Variants in WDR7 observed in about 807,000 individuals in gnomAD.
The protein encoded by WDR7 is WD repeat domain 7, also known as WD repeat-containing protein 7.
In WDR7, 46 loss-of-function variants were observed where a neutral mutation model predicts 169.4. The ratio of observed to expected loss-of-function variants is 0.27; its 90% CI spans 0.21 to 0.35. WDR7 has a LOEUF of 0.35. Ranked by LOEUF, WDR7 falls within the 10% of genes least tolerant of loss-of-function variation. WDR7 has a pLI of 1.00. For missense variants in WDR7, 1,534 were observed against 1,859.3 expected (o/e 0.83, Z 3.22); for synonymous variants, 612 against 666.8 (o/e 0.92, Z 1.27).
chr18:57,023,231 C>T (rs1395358913), intron 27 of WDR7, among the ~76,000 whole-genome samples: 2 of 152,176 alleles, frequency 1.3e-5, no homozygotes, highest in Non-Finnish European at 1.5e-5. Context: ...GCTGCTCTCC[C>T]CAAATGGGCT....
At chr18:56,705,667 G>T (rs547194900) in intron 12 of WDR7, among the ~76,000 whole-genome samples, 1 of 152,050 alleles carries the variant, frequency 6.6e-6, no homozygotes, top group Admixed American at 6.6e-5. Flanking sequence ...GGATTTAGGC[G>T]GATCCTGGCA....
chr18:56,824,335 A>G (rs2045158823), intron 20 of WDR7, among the ~76,000 whole-genome samples: 1 of 152,208 alleles, frequency 6.6e-6, no homozygotes, highest in Non-Finnish European at 1.5e-5. Context: ...AATAATATGT[A>G]GCAATAATGA....
chr18:56,775,294 A>G (rs1177403395), intron 16 of WDR7, among the ~76,000 whole-genome samples: 2 of 152,216 alleles, frequency 1.3e-5, no homozygotes, highest in Non-Finnish European at 2.9e-5. Flanking sequence ...TGAAGCCACC[A>G]GAGGAACATT....
chr18:56,685,910 A>G, intron 5 of WDR7, 46 bp from the exon 6 acceptor site: 1 of 1,456,322 alleles, frequency 6.9e-7, no homozygotes, highest in Non-Finnish European at 9.5e-7. Context: ...GAAAAAGCGT[A>G]TTATGTTCGT....
chr18:56,975,911 A>G (rs143216922), intron 26 of WDR7, among the ~76,000 whole-genome samples: 1 of 152,168 alleles, frequency 6.6e-6, no homozygotes, highest in African/African-American at 2.4e-5. Context: ...AAATCTCCCA[A>G]TTTTTAATTG....
intron 19 of WDR7, among the ~76,000 whole-genome samples, chr18:56,799,034 TAAAC>T (rs755678302): frequency 3.9e-5 from 6 of 152,192 alleles, no homozygotes; most frequent in Non-Finnish European, 8.8e-5. Flanking sequence ...AATATAATGA[TAAAC>T]AAAGTAGTCA....
chr18:56,686,990 A>G lies in WDR7; in HGVS notation c.717+16A>G. 9 of 1,597,328 alleles carry G rather than the reference A, an allele frequency of 5.6e-6. No homozygotes were observed. Among genetic ancestry groups the G allele is most frequent in the Non-Finnish European group, 7.7e-6 (9 of 1,172,052 alleles). On this transcript the variant is annotated intron_variant, in intron 7 of 27. Coordinates refer to ENST00000254442, the MANE Select transcript of WDR7 (RefSeq NM_015285.3). ...ATATTGGAGGGTAAGATAATTATAT[A>G]AATAAGAAGCTGTATTTTTATCCTT...
At chr18:56,905,458 A>G (rs2046462820) in intron 21 of WDR7, among the ~76,000 whole-genome samples, 1 of 152,108 alleles carries the variant, frequency 6.6e-6, no homozygotes, top group Non-Finnish European at 1.5e-5. Flanking sequence ...GTGATTATAG[A>G]CAATTTTCAG....
intron 16 of WDR7, among the ~76,000 whole-genome samples, chr18:56,774,873 A>C (rs2044216609): frequency 6.6e-6 from 1 of 152,120 alleles, no homozygotes; most frequent in African/African-American, 2.4e-5. Context: ...CATAAAATTT[A>C]TTAAAGGATG....
At chr18:56,674,259 G>A (rs576369385) in intron 2 of WDR7, among the ~76,000 whole-genome samples, 1 of 152,304 alleles carries the variant, frequency 6.6e-6, no homozygotes, top group African/African-American at 2.4e-5. Flanking sequence ...CATCAGCAGT[G>A]CATGAGGGTT....
intron 27 of WDR7, among the ~76,000 whole-genome samples, chr18:57,021,235 G>A (rs2048284555): frequency 6.6e-6 from 1 of 152,210 alleles, no homozygotes; most frequent in African/African-American, 2.4e-5. Flanking sequence ...GTCAGGAGGT[G>A]TGGGTGGTTA....
In WDR7 at chr18:56,703,272, T is replaced by C. The variant is rs574013780; in HGVS notation, c.1578+6810T>C. The stretch of plus-strand genomic sequence containing the variant: ...GTGTGTATACCAGTGTGGCTAATGT[T>C]CACAGCCAGTAAGGGCAATTGACAA... On this transcript the variant is annotated intron_variant, in intron 12 of 27. Coordinates refer to ENST00000254442, the MANE Select transcript of WDR7 (RefSeq NM_015285.3). Among the ~76,000 whole-genome samples the C allele has an allele frequency of 6.6e-5, 10 of 152,322 alleles. No homozygotes were observed. In the East Asian group the frequency reaches 1.5e-3, roughly 23 times the overall value.
chr18:56,762,151 A>T (rs1290741134), intron 16 of WDR7, among the ~76,000 whole-genome samples: 3 of 152,040 alleles, frequency 2.0e-5, no homozygotes. Flanking sequence ...CATAAACCCA[A>T]TCTTGCATCC....
At chr18:56,924,194 G>A in intron 22 of WDR7, 86 bp downstream of exon 22, 1 of 1,437,846 alleles carries the variant, frequency 7.0e-7, no homozygotes, top group Non-Finnish European at 9.4e-7. Context: ...ATTCTGTATA[G>A]ATTGTGCATG....
At chr18:56,747,010 A>G (rs753909893) in intron 14 of WDR7, among the ~76,000 whole-genome samples, 2 of 152,176 alleles carry the variant, frequency 1.3e-5, no homozygotes, top group African/African-American at 2.4e-5. Context: ...GGACCACACC[A>G]TATTGCTTCT....
intron 19 of WDR7, among the ~76,000 whole-genome samples, chr18:56,811,178 G>A (rs1229648460): frequency 1.3e-5 from 2 of 152,120 alleles, no homozygotes. Flanking sequence ...TTATTCATCA[G>A]TTGATGAACA....
intron 21 of WDR7, among the ~76,000 whole-genome samples, chr18:56,887,399 A>G (rs1444318173): frequency 2.0e-5 from 3 of 152,180 alleles, no homozygotes; most frequent in Non-Finnish European, 4.4e-5. Context: ...TTCTTTGAGC[A>G]TTTTGAATAA....
intron 26 of WDR7, among the ~76,000 whole-genome samples, chr18:56,990,085 C>G (rs964013454): frequency 6.6e-6 from 1 of 152,164 alleles, no homozygotes; most frequent in African/African-American, 2.4e-5. Context: ...ATTAGGCCAT[C>G]CTAAGCAGAA....
At chr18:56,908,372 A>C (rs1276946958) in intron 21 of WDR7, among the ~76,000 whole-genome samples, 1 of 152,200 alleles carries the variant, frequency 6.6e-6, no homozygotes, top group African/African-American at 2.4e-5. Flanking sequence ...TTCACTTTTC[A>C]TACATGTTAA....
Sources: allele counts gnomAD v4.1 joint callset (sites outside exome capture counted in the v4.1 genomes callset), GRCh38; gene constraint gnomAD v4.1.1; transcripts MANE v1.5; gene names NCBI Gene and HGNC (gene_info 2026-07-23, HGNC 2026-07-21).